The following ADGRL2 variants were observed in gnomAD, a reference collection of about 807,000 sequenced individuals.
ADGRL2 encodes calcium-independent alpha-latrotoxin receptor 2.
A neutral mutation model predicts 157.4 loss-of-function variants in ADGRL2; 44 were observed. The ratio of observed to expected loss-of-function variants is 0.28; its 90% CI spans 0.22 to 0.36. ADGRL2 has a LOEUF of 0.36. Ranked by LOEUF, ADGRL2 falls within the 10% of genes least tolerant of loss-of-function variation. ADGRL2 has a pLI of 1.00. For synonymous variants in ADGRL2, 585 were observed against 624.7 expected, an observed-to-expected ratio of 0.94 and a Z score of 0.95; for missense variants, 1,510 against 1,768.9, an observed-to-expected ratio of 0.85 and a Z score of 2.63.
intron 3 of ADGRL2, among the ~76,000 whole-genome samples, chr1:81,595,173 G>A (rs2081207558): frequency 6.6e-6 from 1 of 152,164 alleles, no homozygotes; most frequent in South Asian, 2.1e-4. Flanking sequence ...AGGGGCAGGG[G>A]ATGGGAAGTA....
In ADGRL2 at chr1:81,452,194, T is replaced by C. The variant is rs1465399559; in HGVS notation, c.-248+7105T>C. On this transcript the variant is annotated intron_variant, in intron 2 of 24. Transcript: ENST00000370721. ...AATTACAGGATGCAAGTTTTTATCATTTAGCTCATTGGGAAAGACTTTACT... is the reference window on the plus strand; with the variant it reads ...AATTACAGGATGCAAGTTTTTATCACTTAGCTCATTGGGAAAGACTTTACT... 2.0e-5 allele frequency among the ~76,000 whole-genome samples: 3 copies of C among 152,272 alleles called. No individual in the cohort carries two copies. The East Asian group carries it at 5.8e-4, about 29-fold the overall frequency.
At chr1:81,487,715 T>C (rs1396294763) in intron 2 of ADGRL2, among the ~76,000 whole-genome samples, 2 of 152,050 alleles carry the variant, frequency 1.3e-5, no homozygotes, top group South Asian at 2.1e-4. Context: ...GAAGCTAAAA[T>C]TGTATATTCA....
At chr1:81,310,504 C>T (rs970600536) in intron 1 of ADGRL2, among the ~76,000 whole-genome samples, 10 of 152,140 alleles carry the variant, frequency 6.6e-5, no homozygotes, top group African/African-American at 2.4e-4. Context: ...GAGCAAGCTA[C>T]ACATTTCTCA....
chr1:81,637,788 T>A (rs1003047220), intron 3 of ADGRL2, among the ~76,000 whole-genome samples: 2 of 152,146 alleles, frequency 1.3e-5, no homozygotes, highest in African/African-American at 4.8e-5. Context: ...TGTGGCAAGA[T>A]TTAAGAGATT....
chr1:81,387,139 A>T (rs1557648712), intron 1 of ADGRL2, among the ~76,000 whole-genome samples: 1 of 152,190 alleles, frequency 6.6e-6, no homozygotes, highest in African/African-American at 2.4e-5. Context: ...TACTCTACAG[A>T]AGACGGTAGT....
intron 1 of ADGRL2, among the ~76,000 whole-genome samples, chr1:81,801,462 C>G (rs1480863040): frequency 6.6e-6 from 1 of 152,228 alleles, no homozygotes; most frequent in African/African-American, 2.4e-5. Context: ...CGCTCACACA[C>G]ACGCAGAGGT....
intron 2 of ADGRL2, among the ~76,000 whole-genome samples, chr1:81,561,391 C>T (rs547611884): frequency 6.6e-6 from 1 of 150,478 alleles, no homozygotes; most frequent in East Asian, 2.0e-4. Context: ...ATTATTTTCT[C>T]TCGCTATAAT....
intron 1 of ADGRL2, among the ~76,000 whole-genome samples, chr1:81,435,189 A>C (rs1335018505): frequency 6.6e-6 from 1 of 152,198 alleles, no homozygotes; most frequent in South Asian, 2.1e-4. Context: ...CTCAACATTC[A>C]ATCTGTGAGT....
intron 1 of ADGRL2, among the ~76,000 whole-genome samples, chr1:81,835,831 C>A (rs1180533550): frequency 6.6e-6 from 1 of 151,990 alleles, no homozygotes; most frequent in African/African-American, 2.4e-5. Context: ...AGATTAATTT[C>A]TTACATTATT....
At chr1:81,901,717 G>A (rs1489365371) in intron 2 of ADGRL2, among the ~76,000 whole-genome samples, 2 of 152,038 alleles carry the variant, frequency 1.3e-5, no homozygotes, top group Non-Finnish European at 2.9e-5. Flanking sequence ...AAAATGTTGG[G>A]TTTTAAAAGT....
Position 81,350,625 on chromosome 1 carries a change from G to A in ADGRL2, c.-302+44116G>A, listed in dbSNP as rs190173196. 8.0e-4 allele frequency among the ~76,000 whole-genome samples: 122 copies of A among 152,266 alleles called. 1 individual carries two copies. Among genetic ancestry groups the A allele is most frequent in the African/African-American group, 2.9e-3 (120 of 41,574 alleles). ...TTTCACGGAAATATAAAGAAAGCAC[G>A]TAGAAACATAGTCTACCAACGTAAT... On this transcript the variant is annotated intron_variant, in intron 1 of 24. Transcript: ENST00000370721.
At chr1:81,574,965 A>C (rs2148512623) in intron 2 of ADGRL2, among the ~76,000 whole-genome samples, 1 of 152,348 alleles carries the variant, frequency 6.6e-6, no homozygotes, top group South Asian at 2.1e-4. Context: ...GCTGCAAAGT[A>C]GAGGCTAGCG....
chr1:81,636,202 C>T (rs1174404851), intron 3 of ADGRL2, among the ~76,000 whole-genome samples: 1 of 152,000 alleles, frequency 6.6e-6, no homozygotes, highest in Non-Finnish European at 1.5e-5. Context: ...ATCCAAGAAG[C>T]ACAAAATATA....
intron 2 of ADGRL2, among the ~76,000 whole-genome samples, chr1:81,521,992 A>T (rs1557755400): frequency 6.9e-6 from 1 of 143,958 alleles, no homozygotes; most frequent in African/African-American, 2.7e-5. Flanking sequence ...TGAGAAAGAG[A>T]CTTGTTCTGT....
intron 3 of ADGRL2, chr1:81,588,311 A>G (rs1466414182): frequency 6.6e-6 from 1 of 152,232 alleles, no homozygotes; most frequent in South Asian, 2.1e-4. Context: ...GCCGCTGGGG[A>G]ACAAGAAGGA....
chr1:81,454,818 T>A (rs1396374084), intron 2 of ADGRL2, among the ~76,000 whole-genome samples: 3 of 152,242 alleles, frequency 2.0e-5, no homozygotes, highest in Non-Finnish European at 2.9e-5. Flanking sequence ...CCAGATTTGC[T>A]TAAACGTTTT....
chr1:81,746,969 C>CGT (rs1344271668), intron 1 of ADGRL2, among the ~76,000 whole-genome samples: 31 of 147,350 alleles, frequency 2.1e-4, no homozygotes, highest in African/African-American at 7.7e-4. Flanking sequence ...TATATACACA[C>CGT]GTATACACAC....
At chr1:81,866,034 G>A (rs1373007867) in intron 2 of ADGRL2, among the ~76,000 whole-genome samples, 1 of 152,162 alleles carries the variant, frequency 6.6e-6, no homozygotes, top group Non-Finnish European at 1.5e-5. Flanking sequence ...TAACTGTTAA[G>A]TTAGAGCTGA....
chr1:81,566,767 T>C (rs904994427), intron 2 of ADGRL2, among the ~76,000 whole-genome samples: 1 of 152,158 alleles, frequency 6.6e-6, no homozygotes, highest in African/African-American at 2.4e-5. Flanking sequence ...AGCTAAATGT[T>C]ATCCTTAAAA....
Sources: gnomAD v4.1 joint callset for allele counts (sites outside exome capture counted in the v4.1 genomes callset) on GRCh38, gnomAD v4.1.1 for gene constraint, MANE v1.5 for transcripts, NCBI Gene and HGNC (gene_info 2026-07-23, HGNC 2026-07-21) for gene names.